Variants in PHLPP1 observed in about 807,000 individuals in gnomAD.
PHLPP1 encodes the protein PH domain leucine-rich repeat-containing protein phosphatase 1.
PHLPP1 carries 42 observed loss-of-function variants against 117.2 expected under a neutral mutation model. The observed-to-expected ratio is 0.36, with a 90% CI of 0.28 to 0.46. PHLPP1 has a LOEUF of 0.46. Among genes scored for constraint, PHLPP1 ranks in the 20% least tolerant of loss-of-function variants. The probability of loss-of-function intolerance (pLI) is 1.00; values close to 1 mark genes in which losing one functional copy is unlikely to be tolerated. For synonymous variants in PHLPP1, 1,042 were observed against 970.7 expected (o/e 1.07, Z -1.37); for missense variants, 2,084 against 2,241.9 (o/e 0.93, Z 1.42).
At chr18:62,847,014 T>C (rs1436950775) in intron 3 of PHLPP1, among the ~76,000 whole-genome samples, 4 of 152,226 alleles carry the variant, frequency 2.6e-5, no homozygotes, top group Admixed American at 6.5e-5. Flanking sequence ...TATTTCAGTT[T>C]AGAACTATTT....
At chr18:62,806,037 C>T (rs1184404600) in intron 1 of PHLPP1, among the ~76,000 whole-genome samples, 1 of 152,124 alleles carries the variant, frequency 6.6e-6, no homozygotes, top group South Asian at 2.1e-4. Context: ...ATTCTAAATG[C>T]AAACAAAGTG....
chr18:62,877,758 C>T (rs1271883392), intron 4 of PHLPP1, among the ~76,000 whole-genome samples: 2 of 152,186 alleles, frequency 1.3e-5, no homozygotes, highest in Non-Finnish European at 2.9e-5. Flanking sequence ...CAAAGCAGAG[C>T]CGGCAGGTGG....
At chr18:62,827,308 C>G (rs901723434) in intron 1 of PHLPP1, among the ~76,000 whole-genome samples, 25 of 152,264 alleles carry the variant, frequency 1.6e-4, no homozygotes, top group Non-Finnish European at 3.1e-4. Flanking sequence ...GTAAAAGTTA[C>G]AACTGACCCA....
chr18:62,962,880 A>G (rs914130835), intron 13 of PHLPP1, among the ~76,000 whole-genome samples: 1 of 152,208 alleles, frequency 6.6e-6, no homozygotes, highest in Non-Finnish European at 1.5e-5. Flanking sequence ...GTCCATGATA[A>G]TATTTGGAGG....
chr18:62,855,665 G>A (rs147256553), intron 3 of PHLPP1, among the ~76,000 whole-genome samples: 4 of 152,214 alleles, frequency 2.6e-5, no homozygotes, highest in Non-Finnish European at 5.9e-5. Flanking sequence ...TCGTTAATGT[G>A]GTTTCCTCCT....
intron 13 of PHLPP1, among the ~76,000 whole-genome samples, chr18:62,959,949 G>A (rs571810769): frequency 5.9e-5 from 9 of 151,972 alleles, no homozygotes; most frequent in East Asian, 1.9e-4. Flanking sequence ...ATGAAACCTC[G>A]GCCTAAACCC....
Position 62,979,138 on chromosome 18 carries a change from C to T in PHLPP1, c.4861C>T (p.Arg1621Trp), listed in dbSNP as rs748532615. Residue 1621 changes from arginine (R) to tryptophan (W), a missense_variant, in exon 17 of 17, where the codon CGG becomes TGG. By Grantham distance (101) the Arg-to-Trp change is moderately radical. Transcript: ENST00000262719. ...DFSAVGTIGR[R>W]RANGSVAPQE... is the part of the protein sequence containing the mutation. The stretch of plus-strand genomic sequence containing the variant: ...CTCTGCCGTTGGGACCATTGGGCGC[C>T]GGAGGGCCAATGGCTCTGTTGCGCC... The T allele has an allele frequency of 9.3e-6, 15 of 1,613,806 alleles. 1 individual carries two copies. The highest frequency in any genetic ancestry group is 2.7e-5 in the African/African-American group (2 of 74,914).
intron 1 of PHLPP1, among the ~76,000 whole-genome samples, chr18:62,788,141 G>A (rs1913350989): frequency 6.6e-6 from 1 of 152,172 alleles, no homozygotes; most frequent in South Asian, 2.1e-4. Flanking sequence ...CTCCTGAGGC[G>A]CAGCAGAGAG....
At chr18:62,855,736 G>T (rs1428002446) in intron 3 of PHLPP1, among the ~76,000 whole-genome samples, 2 of 152,198 alleles carry the variant, frequency 1.3e-5, no homozygotes, top group Non-Finnish European at 2.9e-5. Context: ...AATACAACTT[G>T]ATGTTAAATC....
intron 2 of PHLPP1, among the ~76,000 whole-genome samples, chr18:62,834,828 G>C (rs981852072): frequency 1.3e-5 from 2 of 152,038 alleles, no homozygotes; most frequent in Non-Finnish European, 1.5e-5. Flanking sequence ...GTGTCCCTTT[G>C]TTCTCCTTTC....
At chr18:62,811,874 T>C (rs1914133497) in intron 1 of PHLPP1, among the ~76,000 whole-genome samples, 1 of 152,208 alleles carries the variant, frequency 6.6e-6, no homozygotes, top group Admixed American at 6.5e-5. Context: ...ACATATTTAA[T>C]GTGATCAGCT....
chr18:62,803,196 A>T (rs1452259206), intron 1 of PHLPP1, among the ~76,000 whole-genome samples: 1 of 152,218 alleles, frequency 6.6e-6, no homozygotes, highest in Non-Finnish European at 1.5e-5. Flanking sequence ...ATTTTAATTT[A>T]AACATTTGTC....
chr18:62,849,968 A>T (rs1390537324), intron 3 of PHLPP1, among the ~76,000 whole-genome samples: 7 of 150,472 alleles, frequency 4.7e-5, no homozygotes, highest in Non-Finnish European at 7.4e-5. Flanking sequence ...GGTCTAATTT[A>T]TTATTTTATA....
chr18:62,788,565 G>GT (rs71160869), intron 1 of PHLPP1, among the ~76,000 whole-genome samples: 8,760 of 150,530 alleles, frequency 0.058, 343 homozygotes, highest in Middle Eastern at 0.092. Context: ...GGGTTTTTTT[G>GT]TTTTTTTTTG....
intron 1 of PHLPP1, among the ~76,000 whole-genome samples, chr18:62,793,623 G>C (rs1171663560): frequency 6.6e-6 from 1 of 152,130 alleles, no homozygotes; most frequent in East Asian, 1.9e-4. Flanking sequence ...TATGTATTAG[G>C]CACTATACCA....
At chr18:62,939,945 G>A (rs1161238736) in intron 10 of PHLPP1, among the ~76,000 whole-genome samples, 2 of 151,712 alleles carry the variant, frequency 1.3e-5, no homozygotes, top group East Asian at 3.8e-4. Context: ...GAATTGAATG[G>A]TGAAAGTTTC....
chr18:62,970,854 G>A (rs957701526), intron 14 of PHLPP1, among the ~76,000 whole-genome samples: 2 of 152,132 alleles, frequency 1.3e-5, no homozygotes, highest in Admixed American at 6.5e-5. Context: ...GTACAGTTCC[G>A]GATTTCCATC....
intron 1 of PHLPP1, among the ~76,000 whole-genome samples, chr18:62,806,721 G>A (rs1384661590): frequency 6.6e-6 from 1 of 152,140 alleles, no homozygotes; most frequent in Non-Finnish European, 1.5e-5. Context: ...GGATTAGCTT[G>A]ACATCTTTTT....
intron 4 of PHLPP1, among the ~76,000 whole-genome samples, chr18:62,883,405 G>A (rs1245904262): frequency 6.6e-6 from 1 of 152,180 alleles, no homozygotes; most frequent in African/African-American, 2.4e-5. Flanking sequence ...CAAAGGATAT[G>A]AATGTGTATC....
Sources: gnomAD v4.1 joint callset for allele counts (sites outside exome capture counted in the v4.1 genomes callset) on GRCh38, gnomAD v4.1.1 for gene constraint, MANE v1.5 for transcripts, NCBI Gene and HGNC (gene_info 2026-07-23, HGNC 2026-07-21) for gene names.